The following KLHL1 variants were observed in gnomAD, a reference collection of about 807,000 sequenced individuals.
KLHL1 encodes the protein kelch like family member 1.
KLHL1 carries 47 observed loss-of-function variants against 77.7 expected under a neutral mutation model. The ratio of observed to expected loss-of-function variants is 0.60; its 90% confidence interval spans 0.48 to 0.77. KLHL1 has a LOEUF of 0.77. Among genes scored for constraint, KLHL1 ranks in the 30% least tolerant of loss-of-function variants. The pLI, the probability that KLHL1 is intolerant of heterozygous loss-of-function variation, is 0.00. For missense variants in KLHL1, 925 were observed against 910.8 expected, an observed-to-expected ratio of 1.02 and a Z score of -0.20; for synonymous variants, 360 against 325.2, an observed-to-expected ratio of 1.11 and a Z score of -1.15.
chr13:69,960,092 GCAGT>G (rs977363403), intron 3 of KLHL1, among the ~76,000 whole-genome samples: 28 of 144,306 alleles, frequency 1.9e-4, no homozygotes, highest in African/African-American at 6.4e-4. Flanking sequence ...TTGAGATTAA[GCAGT>G]CAGAGCATGT....
intron 2 of KLHL1, among the ~76,000 whole-genome samples, chr13:69,965,546 T>TG (rs1264810358): frequency 1.3e-5 from 2 of 152,122 alleles, no homozygotes; most frequent in African/African-American, 4.8e-5. Flanking sequence ...AACCCTGCAA[T>TG]GCCCTCTAAG....
intron 2 of KLHL1, among the ~76,000 whole-genome samples, chr13:69,965,804 G>A (rs1884194732): frequency 1.3e-5 from 2 of 152,266 alleles, no homozygotes; most frequent in South Asian, 4.1e-4. Flanking sequence ...AAAGTGAGTG[G>A]TCTGGGCAGA....
At chr13:69,809,577 A>C (rs142349042) in intron 6 of KLHL1, among the ~76,000 whole-genome samples, 62 of 152,206 alleles carry the variant, frequency 4.1e-4, no homozygotes, top group African/African-American at 1.4e-3. Flanking sequence ...ATGGAAATGA[A>C]AGGATTATAC....
intron 1 of KLHL1, among the ~76,000 whole-genome samples, chr13:70,024,508 A>G (rs1454508398): frequency 1.3e-5 from 2 of 151,666 alleles, no homozygotes; most frequent in Non-Finnish European, 2.9e-5. Context: ...GCTTTCTAGA[A>G]GTTTCTCCTC....
Position 70,083,404 on chromosome 13 carries a change from A to C in KLHL1, c.497+23799T>G, listed in dbSNP as rs955752453. ...CCAAGATGAACTAACTCCTGGTCTCAAGCAATCCTCCCACCTTAGCTGAAT... is the reference window on the plus strand; with the variant it reads ...CCAAGATGAACTAACTCCTGGTCTCCAGCAATCCTCCCACCTTAGCTGAAT... On this transcript the variant is annotated intron_variant, in intron 1 of 10. Transcript: ENST00000377844. Among the ~76,000 whole-genome samples the C allele has an allele frequency of 9.6e-4, 146 of 152,296 alleles. 1 individual carries two copies. Among genetic ancestry groups the C allele is most frequent in the African/African-American group, 3.4e-3 (140 of 41,570 alleles).
intron 7 of KLHL1, among the ~76,000 whole-genome samples, chr13:69,749,577 C>A (rs1293260825): frequency 1.3e-5 from 2 of 151,888 alleles, no homozygotes; most frequent in Non-Finnish European, 2.9e-5. Flanking sequence ...AACAAACTAT[C>A]GTTAATTTTC....
chr13:70,087,447 G>A (rs939321431), intron 1 of KLHL1, among the ~76,000 whole-genome samples: 10 of 151,118 alleles, frequency 6.6e-5, no homozygotes, highest in Admixed American at 3.3e-4. Context: ...ACTATAATAC[G>A]AACAATGCCT....
chr13:69,785,598 C>A (rs1876495623), intron 7 of KLHL1, among the ~76,000 whole-genome samples: 1 of 126,118 alleles, frequency 7.9e-6, no homozygotes, highest in African/African-American at 3.1e-5. Flanking sequence ...CAATTAAAAA[C>A]TAGAAAAGCA....
intron 5 of KLHL1, among the ~76,000 whole-genome samples, chr13:69,852,263 C>T (rs866260306): frequency 1.3e-5 from 2 of 151,892 alleles, no homozygotes; most frequent in African/African-American, 2.4e-5. Context: ...AATGGCCTCA[C>T]GTCTGTAAAA....
chr13:69,988,611 T>C (rs1566476565), intron 1 of KLHL1, among the ~76,000 whole-genome samples: 1 of 152,088 alleles, frequency 6.6e-6, no homozygotes, highest in Non-Finnish European at 1.5e-5. Flanking sequence ...CTCTGCAACC[T>C]TGCTAGCATG....
chr13:69,918,635 C>G (rs1882524940), intron 4 of KLHL1, among the ~76,000 whole-genome samples: 1 of 151,944 alleles, frequency 6.6e-6, no homozygotes, highest in African/African-American at 2.4e-5. Context: ...AACAACAAAC[C>G]TAATATAATT....
intron 5 of KLHL1, among the ~76,000 whole-genome samples, chr13:69,840,694 A>ATGTATG (rs1555272794): frequency 7.8e-6 from 1 of 128,924 alleles, no homozygotes; most frequent in African/African-American, 3.1e-5. Flanking sequence ...TTATATATAT[A>ATGTATG]TATATATGTA....
chr13:70,008,334 C>T (rs1400053117), intron 1 of KLHL1, among the ~76,000 whole-genome samples: 1 of 151,954 alleles, frequency 6.6e-6, no homozygotes, highest in Non-Finnish European at 1.5e-5. Flanking sequence ...AGAACATGCA[C>T]TTGTGCCTCA....
intron 1 of KLHL1, among the ~76,000 whole-genome samples, chr13:70,089,189 T>C (rs1887617428): frequency 6.6e-6 from 1 of 152,208 alleles, no homozygotes; most frequent in Non-Finnish European, 1.5e-5. Context: ...CAATTGCTTC[T>C]CTACATCTTA....
intron 1 of KLHL1, among the ~76,000 whole-genome samples, chr13:70,027,333 C>T (rs1047651371): frequency 2.6e-5 from 4 of 151,980 alleles, no homozygotes; most frequent in Non-Finnish European, 5.9e-5. Context: ...AAATGTATCA[C>T]TAAAGAGAAC....
Position 69,848,415 on chromosome 13 carries a change from C to T in KLHL1, c.1228-9253G>A, listed in dbSNP as rs185870592. On this transcript the variant is annotated intron_variant, in intron 5 of 10. Coordinates refer to ENST00000377844, the MANE Select transcript of KLHL1 (RefSeq NM_020866.3). ...TATACCACCCAGGAGTAGATAGTTC[C>T]TCCTCTTACATTTAAAGTCCCTTTT... 2.6e-5 allele frequency among the ~76,000 whole-genome samples: 4 copies of T among 151,614 alleles called. No homozygotes were observed. In the East Asian group the frequency reaches 7.8e-4, roughly 30 times the overall value.
At chr13:70,066,502 C>A (rs1176321351) in intron 1 of KLHL1, among the ~76,000 whole-genome samples, 1 of 152,122 alleles carries the variant, frequency 6.6e-6, no homozygotes, top group Non-Finnish European at 1.5e-5. Context: ...GAGAAATGAG[C>A]AGAATTCCTC....
At chr13:70,017,623 T>G (rs750964489) in intron 1 of KLHL1, among the ~76,000 whole-genome samples, 2 of 152,090 alleles carry the variant, frequency 1.3e-5, no homozygotes, top group African/African-American at 4.8e-5. Context: ...CTAGGCAGAG[T>G]AGGCAGAATG....
intron 4 of KLHL1, among the ~76,000 whole-genome samples, chr13:69,931,428 A>G (rs1883001443): frequency 6.6e-6 from 1 of 151,788 alleles, no homozygotes; most frequent in South Asian, 2.1e-4. Context: ...TGTCTTGCAT[A>G]AAACATGACT....
Sources: gnomAD v4.1 joint callset for allele counts (sites outside exome capture counted in the v4.1 genomes callset) on GRCh38, gnomAD v4.1.1 for gene constraint, MANE v1.5 for transcripts, NCBI Gene and HGNC (gene_info 2026-07-23, HGNC 2026-07-21) for gene names.